Variants in CLCN2 observed in about 807,000 individuals in gnomAD.
CLCN2 encodes chloride channel protein 2.
CLCN2 carries 72 observed loss-of-function variants against 108.3 expected under a neutral mutation model. The observed-to-expected ratio is 0.66, with a 90% confidence interval of 0.55 to 0.81. The LOEUF (loss-of-function observed/expected upper bound fraction) is 0.81, where lower values mean the gene tolerates loss of function less well. Among genes scored for constraint, CLCN2 ranks in the 30% least tolerant of loss-of-function variants. The pLI, the probability that CLCN2 is intolerant of heterozygous loss-of-function variation, is 0.00. For synonymous variants in CLCN2, 471 were observed against 467.1 expected, an observed-to-expected ratio of 1.01 and a Z score of -0.11; for missense variants, 1,048 against 1,205.2, an observed-to-expected ratio of 0.87 and a Z score of 1.93.
At position 184,346,361 on chromosome 3, in the gene CLCN2, A is replaced by AC; in HGVS notation, c.*244dup. The AC allele has an allele frequency of 1.7e-6, 1 of 577,190 alleles. No individual in the cohort carries two copies. Among genetic ancestry groups the AC allele is most frequent in the Middle Eastern group, 4.7e-4 (1 of 2,110 alleles). The allele number at this position is 577,190 out of a possible 1,614,324, so 35.8% of individuals were successfully genotyped here. Reference sequence around the variant, plus strand: ...TCAAAGGGGGAGCAGGGGTCAAGTGACCCCAACCCATCCTGCCAGGGCAGG... The same window carrying AC: ...TCAAAGGGGGAGCAGGGGTCAAGTGACCCCCAACCCATCCTGCCAGGGCAGG... On this transcript the variant is annotated 3_prime_UTR_variant, in exon 24 of 24. Transcript: ENST00000265593. The surrounding 1 kb of genome is among the most constrained non-coding windows in gnomAD (Gnocchi z 6.0).
rs372191163 is a variant in CLCN2, at chr3:184,346,949, C to T, written c.2488G>A (p.Val830Ile). The change falls in exon 23 of 24, where the codon GTT (valine) becomes ATT (isoleucine). Residue 830 changes from valine (V) to isoleucine (I), a missense_variant. Transcript: ENST00000265593. This position sits in a 1 kb window ranked among gnomAD's most constrained non-coding sequence, Gnocchi z 6.0. Reference sequence around the variant, plus strand: ...CATCACCTCACCTCCTTTAGAGTAACGATTCCAATGAGTCTGCCAATACTG... The same window carrying T: ...CATCACCTCACCTCCTTTAGAGTAATGATTCCAATGAGTCTGCCAATACTG... ...VTSIGRLIGIVTLKELRKAIE... is the reference protein window; with the variant it reads ...VTSIGRLIGIITLKELRKAIE... 2.0e-5 allele frequency: 33 copies of T among 1,614,056 alleles called. No individual in the cohort carries two copies. The highest frequency in any genetic ancestry group is 1.6e-4 in the Middle Eastern group (1 of 6,062).
At chr3:184,354,847 G>A (rs924166126) in intron 13 of CLCN2, 57 bp downstream of exon 13, 1 of 1,567,410 alleles carries the variant, frequency 6.4e-7, no homozygotes, top group Non-Finnish European at 8.8e-7. Context: ...TTGGCTGGGG[G>A]GGTGGCCAGA....
chr3:184,355,590 G>C lies in CLCN2; in HGVS notation c.1171-61C>G. ...ACAGGATGAAGGGAAGAGGCCATGG[G>C]ATCCCACGGGGAACAAGGGGTCCCA... On this transcript the variant is annotated intron_variant, in intron 11 of 23. Transcript: ENST00000265593. This position sits in a 1 kb window ranked among gnomAD's most constrained non-coding sequence, Gnocchi z 6.3. The C allele has an allele frequency of 6.2e-7, 1 of 1,608,972 alleles. No homozygotes were observed. The highest frequency in any genetic ancestry group is 1.1e-5 in the South Asian group (1 of 90,948).
chr3:184,349,104 A>G (rs533067514), intron 22 of CLCN2: 5 of 152,270 alleles, frequency 3.3e-5, no homozygotes, highest in Non-Finnish European at 1.5e-5. Context: ...AGCTTCACAT[A>G]ATCACTCTTC....
Position 184,352,747 on chromosome 3 carries a change from G to A in CLCN2, c.2207C>T (p.Ala736Val). 1 of 1,613,162 alleles carries A rather than the reference G, an allele frequency of 6.2e-7. No individual in the cohort carries two copies. Among genetic ancestry groups the A allele is most frequent in the Non-Finnish European group, 8.5e-7 (1 of 1,179,978 alleles). ...GCTCCAGCCACTCACCTCCGAAGCA[G>A]CCTCAGGGGGTGGACTGCCACAGAA... ...SLFCGSPPPE[A>V]ASEKLESCEK... is the part of the protein sequence containing the mutation. The change falls in exon 19 of 24, where the codon GCT becomes GTT. Residue 736 changes from alanine (A) to valine (V), a missense_variant. Ala to Val is a moderately conservative substitution (Grantham distance 64). Coordinates refer to ENST00000265593, the MANE Select transcript of CLCN2 (RefSeq NM_004366.6).
chr3:184,350,360 T>C (rs903124939), intron 22 of CLCN2, among the ~76,000 whole-genome samples: 10 of 152,264 alleles, frequency 6.6e-5, no homozygotes, highest in African/African-American at 2.4e-4. Context: ...ATGCCTCAGT[T>C]TCCCTGTGTA....
chr3:184,346,830 A>T lies in CLCN2; in HGVS notation c.2503-30T>A, dbSNP rs745369541. ...AAAGGTGAGAGGGACAGATGTCTGG[A>T]CCCAGATGTCAGACTCCTCCCCGCC... On this transcript the variant is annotated intron_variant, in intron 23 of 23. Transcript: ENST00000265593. This position sits in a 1 kb window ranked among gnomAD's most constrained non-coding sequence, Gnocchi z 6.0. 1 of 1,613,690 alleles carries T rather than the reference A, an allele frequency of 6.2e-7. No homozygotes were observed. Among genetic ancestry groups the T allele is most frequent in the Non-Finnish European group, 8.5e-7 (1 of 1,179,694 alleles).
At chr3:184,358,144 G>A (rs781437809) in intron 4 of CLCN2, 38 bp downstream of exon 4, 15 of 1,613,912 alleles carry the variant, frequency 9.3e-6, no homozygotes, top group Non-Finnish European at 1.2e-5. Context: ...CCCATTTCAG[G>A]GGTCCCGCCT....
Position 184,346,459 on chromosome 3 carries a change from A to G in CLCN2, c.*147T>C, listed in dbSNP as rs1727671589. 1.1e-6 allele frequency: 1 copy of G among 869,624 alleles called. No homozygotes were observed. The highest frequency in any genetic ancestry group is 2.7e-5 in the East Asian group (1 of 37,584). 53.9% of individuals were successfully genotyped at this position (869,624 alleles called of 1,614,324 possible). ...CAGATTCCAGGTAGGATGAACTGGG[A>G]GAAGCTGGCACCCCAGGTCTGGAGG... On this transcript the variant is annotated 3_prime_UTR_variant, in exon 24 of 24. Transcript: ENST00000265593. This position sits in a 1 kb window ranked among gnomAD's most constrained non-coding sequence, Gnocchi z 6.0.
intron 21 of CLCN2, 27 bp downstream of exon 21, chr3:184,352,266 A>G (rs1233010741): frequency 2.5e-6 from 4 of 1,613,312 alleles, no homozygotes; most frequent in Non-Finnish European, 3.4e-6. Context: ...AGGAAGAAAC[A>G]GGGTCCAGAG....
chr3:184,352,777 C>A lies in CLCN2; in HGVS notation c.2177G>T (p.Ser726Ile). ...AGGGGGTGGACTGCCACAGAAGAGG[C>A]TCCGGAGGGCGATGCCTGCCGACTC... ...SAESAGIALRSLFCGSPPPEA... is the reference protein window; with the variant it reads ...SAESAGIALRILFCGSPPPEA... Residue 726 changes from serine (S) to isoleucine (I), a missense_variant, in exon 19 of 24, where the codon AGC becomes ATC. Transcript: ENST00000265593. 1 of 1,613,216 alleles carries A rather than the reference C, an allele frequency of 6.2e-7. No homozygotes were observed. The highest frequency in any genetic ancestry group is 1.7e-5 in the Admixed American group (1 of 60,014).
chr3:184,355,127 T>C lies in CLCN2; in HGVS notation c.1327-154A>G, dbSNP rs1728449311. On this transcript the variant is annotated intron_variant, in intron 12 of 23. Coordinates refer to ENST00000265593, the MANE Select transcript of CLCN2 (RefSeq NM_004366.6). The surrounding 1 kb of genome is among the most constrained non-coding windows in gnomAD (Gnocchi z 6.3). ...CTAGCTACCCTGGGACCCCCAGGCCTCCCAGGTGATGGCAAGGGGAAGGAC... is the reference window on the plus strand; with the variant it reads ...CTAGCTACCCTGGGACCCCCAGGCCCCCCAGGTGATGGCAAGGGGAAGGAC... 1.2e-6 allele frequency: 1 copy of C among 819,666 alleles called. No individual in the cohort carries two copies. The highest frequency in any genetic ancestry group is 2.0e-6 in the Non-Finnish European group (1 of 491,472). 50.8% of individuals were successfully genotyped at this position (819,666 alleles called of 1,614,324 possible).
At position 184,353,159 on chromosome 3, in the gene CLCN2, G is replaced by A. The variant is rs770874630; in HGVS notation, c.2029-12C>T. On this transcript the variant is annotated splice_polypyrimidine_tract_variant and intron_variant, in intron 17 of 23. Coordinates refer to ENST00000265593, the MANE Select transcript of CLCN2 (RefSeq NM_004366.6). ...TCTTCTGTGTTCACCTGCATAGGCAGGAAGGGGCTGGTGAGGCCACGGCCC... is the reference window on the plus strand; with the variant it reads ...TCTTCTGTGTTCACCTGCATAGGCAAGAAGGGGCTGGTGAGGCCACGGCCC... 4.3e-6 allele frequency: 7 copies of A among 1,613,902 alleles called. No homozygotes were observed. Among genetic ancestry groups the A allele is most frequent in the Non-Finnish European group, 5.1e-6 (6 of 1,179,736 alleles).
rs779280637 is a variant in CLCN2 at position 184,357,486 on chromosome 3, G to T, written c.774C>A (p.Gly258=). 6.2e-7 allele frequency: 1 copy of T among 1,614,196 alleles called. No individual in the cohort carries two copies. Among genetic ancestry groups the T allele is most frequent in the Non-Finnish European group, 8.5e-7 (1 of 1,180,032 alleles). Residue 258 remains glycine, a splice_region_variant and synonymous_variant, in exon 8 of 24, where the codon GGC becomes GGA. Transcript: ENST00000265593. ...VGCCFAAPIG[G]VLFSIEVTST... is the part of the protein sequence containing the mutation. Reference sequence around the variant, plus strand: ...AGGTGACCTCGATGCTGAAGAGGACGCCTGTGAGGGGGAGGGAGACCAGCA... The same window carrying T: ...AGGTGACCTCGATGCTGAAGAGGACTCCTGTGAGGGGGAGGGAGACCAGCA...
At position 184,357,045 on chromosome 3, in the gene CLCN2, T is replaced by C. The variant is rs201026086; in HGVS notation, c.1033A>G (p.Ile345Val). 70 of 1,613,660 alleles carry C rather than the reference T, an allele frequency of 4.3e-5. No individual in the cohort carries two copies. Among genetic ancestry groups the C allele is most frequent in the Non-Finnish European group, 3.1e-5 (36 of 1,179,922 alleles). ...GALFVYLNRK[I>V]VQVMRKQKTI... ...TTCTGCTTCCGCATCACCTGGACAA[T>C]CTTCCGGTTCAGGTAGACAAAGAGG... is the stretch of plus-strand genomic sequence containing the variant. Residue 345 changes from isoleucine (I) to valine (V), a missense_variant, in exon 10 of 24, where the codon ATT becomes GTT. By Grantham distance (29) the Ile-to-Val change is conservative. Transcript: ENST00000265593.
At chr3:184,359,954 C>T (rs533071851) in intron 1 of CLCN2, among the ~76,000 whole-genome samples, 2 of 94,526 alleles carry the variant, frequency 2.1e-5, no homozygotes, top group East Asian at 3.7e-4. Context: ...CGCAGAGCTT[C>T]GGGACACAAA....
At chr3:184,351,642 C>T (rs929121166) in intron 22 of CLCN2, among the ~76,000 whole-genome samples, 9 of 152,062 alleles carry the variant, frequency 5.9e-5, no homozygotes, top group African/African-American at 2.2e-4. Flanking sequence ...CTGTTTCTCA[C>T]CCGTTTTTTT....
chr3:184,357,676 ATC>A lies in CLCN2; in HGVS notation c.714_715del (p.Glu238AspfsTer61), dbSNP rs748281421. 6.2e-7 allele frequency: 1 copy of A among 1,614,096 alleles called. No individual in the cohort carries two copies. Among genetic ancestry groups the A allele is most frequent in the Non-Finnish European group, 8.5e-7 (1 of 1,180,024 alleles). On this transcript the variant is annotated frameshift_variant, in exon 7 of 24. Transcript: ENST00000265593. LOFTEE classifies it high-confidence loss of function. ...CCCCACGGCACAGGCGGCAGCCAGC[ATC>A]TCTGTGTTCCGGGATTCATTCTGGC...
rs765057093 is a variant in CLCN2 at position 184,361,392 on chromosome 3, T to C, written c.63+25A>G. ...GAGCAGGGGTCCCGGAGCGCACTCC[T>C]GGGGCTCAGCTCAGCTTCACTTACC... On this transcript the variant is annotated intron_variant, in intron 1 of 23. Transcript: ENST00000265593. This position sits in a 1 kb window ranked among gnomAD's most constrained non-coding sequence, Gnocchi z 6.6. 1 of 1,611,902 alleles carries C rather than the reference T, an allele frequency of 6.2e-7. No homozygotes were observed. Among genetic ancestry groups the C allele is most frequent in the Non-Finnish European group, 8.5e-7 (1 of 1,178,322 alleles).
Sources: allele counts gnomAD v4.1 joint callset (sites outside exome capture counted in the v4.1 genomes callset), GRCh38; gene constraint gnomAD v4.1.1; non-coding constraint Gnocchi (gnomAD v3.1); transcripts MANE v1.5; gene names NCBI Gene and HGNC (gene_info 2026-07-23, HGNC 2026-07-21).